The following GPC5 variants were observed in gnomAD, a reference collection of about 807,000 sequenced individuals.
GPC5 encodes the protein glypican-5.
A neutral mutation model predicts 53.9 loss-of-function variants in GPC5; 47 were observed. The observed-to-expected ratio is 0.87, with a 90% CI of 0.69 to 1.11. The LOEUF is 1.11. GPC5 is among the 50% of genes most tolerant of loss of function. The pLI is 0.00. For missense variants in GPC5, 748 were observed against 713.1 expected, an observed-to-expected ratio of 1.05 and a Z score of -0.56; for synonymous variants, 286 against 263.3, an observed-to-expected ratio of 1.09 and a Z score of -0.84.
intron 4 of GPC5, among the ~76,000 whole-genome samples, chr13:91,746,182 G>A (rs541244878): frequency 6.6e-6 from 1 of 152,308 alleles, no homozygotes; most frequent in Admixed American, 6.5e-5. Context: ...CTACAGGGTT[G>A]AGCCTGCTCA....
At chr13:91,601,639 G>A (rs953160062) in intron 2 of GPC5, among the ~76,000 whole-genome samples, 2 of 152,044 alleles carry the variant, frequency 1.3e-5, no homozygotes, top group African/African-American at 4.8e-5. Flanking sequence ...TGTAAACTCT[G>A]CATACGAGGG....
At chr13:91,763,818 C>T (rs1294614984) in intron 5 of GPC5, among the ~76,000 whole-genome samples, 1 of 152,076 alleles carries the variant, frequency 6.6e-6, no homozygotes, top group Non-Finnish European at 1.5e-5. Context: ...CCCTTGGTAT[C>T]CATGGGGAAT....
intron 5 of GPC5, among the ~76,000 whole-genome samples, chr13:91,825,525 T>C (rs1368909029): frequency 1.3e-5 from 2 of 151,980 alleles, no homozygotes; most frequent in East Asian, 3.9e-4. Context: ...ATTCCAGCAA[T>C]AGCAACAGAG....
chr13:92,743,846 G>A (rs530247719), intron 7 of GPC5, among the ~76,000 whole-genome samples: 53 of 152,126 alleles, frequency 3.5e-4, no homozygotes, highest in Non-Finnish European at 7.2e-4. Context: ...AGATAATCAT[G>A]TGGTTTTTGT....
intron 7 of GPC5, among the ~76,000 whole-genome samples, chr13:92,289,398 G>C (rs943988401): frequency 1.3e-5 from 2 of 151,438 alleles, no homozygotes; most frequent in Non-Finnish European, 2.9e-5. Context: ...GTATATCAAA[G>C]ATTTAATTTA....
intron 4 of GPC5, among the ~76,000 whole-genome samples, chr13:91,738,676 A>T (rs1300354416): frequency 1.3e-5 from 2 of 150,936 alleles, no homozygotes; most frequent in African/African-American, 4.9e-5. Context: ...GTATTTCTTT[A>T]TTCTCTTAAT....
chr13:91,459,722 G>A (rs1881807330), intron 2 of GPC5, among the ~76,000 whole-genome samples: 2 of 152,086 alleles, frequency 1.3e-5, no homozygotes, highest in African/African-American at 4.8e-5. Context: ...CTTATACAGG[G>A]TAGAAGAGTA....
intron 7 of GPC5, among the ~76,000 whole-genome samples, chr13:92,285,958 C>A (rs192043534): frequency 1.3e-5 from 2 of 151,744 alleles, no homozygotes; most frequent in Admixed American, 6.6e-5. Flanking sequence ...AACAGGCAAC[C>A]TACAGAATGG....
intron 7 of GPC5, among the ~76,000 whole-genome samples, chr13:92,251,817 G>A (rs183477078): frequency 3.9e-5 from 6 of 152,168 alleles, no homozygotes; most frequent in African/African-American, 1.4e-4. Context: ...ATTCCTAATA[G>A]CCCCAAATGG....
chr13:91,581,588 T>A (rs1201635960), intron 2 of GPC5, among the ~76,000 whole-genome samples: 1 of 152,222 alleles, frequency 6.6e-6, no homozygotes, highest in Non-Finnish European at 1.5e-5. Flanking sequence ...TTCACTAATA[T>A]ATTTTGTAGT....
chr13:91,812,484 T>C (rs1353422964), intron 5 of GPC5, among the ~76,000 whole-genome samples: 1 of 152,212 alleles, frequency 6.6e-6, no homozygotes, highest in Non-Finnish European at 1.5e-5. Flanking sequence ...TTAGAACATG[T>C]GTTGTTGCTC....
chr13:92,080,058 T>A (rs2041283278), intron 6 of GPC5, among the ~76,000 whole-genome samples: 2 of 152,222 alleles, frequency 1.3e-5, no homozygotes, highest in South Asian at 4.1e-4. Context: ...CCACATGGGC[T>A]ACCTGATTTG....
At chr13:92,147,537 A>T (rs1296514103) in intron 7 of GPC5, among the ~76,000 whole-genome samples, 1 of 152,086 alleles carries the variant, frequency 6.6e-6, no homozygotes, top group Non-Finnish European at 1.5e-5. Flanking sequence ...GCAGTGAAGC[A>T]TATTCAACTA....
At chr13:92,589,478 A>G (rs1883648982) in intron 7 of GPC5, among the ~76,000 whole-genome samples, 1 of 152,186 alleles carries the variant, frequency 6.6e-6, no homozygotes, top group Non-Finnish European at 1.5e-5. Flanking sequence ...CATTATGCCC[A>G]ACATTTCTGA....
At chr13:92,105,939 G>A (rs2041506053) in intron 6 of GPC5, among the ~76,000 whole-genome samples, 1 of 151,938 alleles carries the variant, frequency 6.6e-6, no homozygotes, top group Admixed American at 6.6e-5. Context: ...GCCTACCTTG[G>A]TCTTCATATA....
chr13:91,788,886 G>C (rs2037919663), intron 5 of GPC5, among the ~76,000 whole-genome samples: 1 of 152,090 alleles, frequency 6.6e-6, no homozygotes, highest in Non-Finnish European at 1.5e-5. Context: ...GATATTAATG[G>C]CTTTTATTCT....
chr13:91,604,420 C>T (rs1398994131), intron 2 of GPC5, among the ~76,000 whole-genome samples: 1 of 151,894 alleles, frequency 6.6e-6, no homozygotes, highest in Non-Finnish European at 1.5e-5. Flanking sequence ...CATATGGGTG[C>T]ATGTGTCTTT....
intron 7 of GPC5, among the ~76,000 whole-genome samples, chr13:92,551,570 G>A (rs1262073362): frequency 6.6e-6 from 1 of 151,848 alleles, no homozygotes; most frequent in Non-Finnish European, 1.5e-5. Context: ...AATGCTTAGT[G>A]TAAAGACAAG....
At chr13:92,567,705 G>C (rs796913615) in intron 7 of GPC5, among the ~76,000 whole-genome samples, 35 of 152,194 alleles carry the variant, frequency 2.3e-4, no homozygotes, top group African/African-American at 8.4e-4. Context: ...AAAAAGACAA[G>C]AACATGGGGA....
Sources: allele counts gnomAD v4.1 joint callset (sites outside exome capture counted in the v4.1 genomes callset), GRCh38; gene constraint gnomAD v4.1.1; transcripts MANE v1.5; gene names NCBI Gene and HGNC (gene_info 2026-07-23, HGNC 2026-07-21).